The following CTNND2 variants were observed in gnomAD, a reference collection of about 807,000 sequenced individuals.
CTNND2 encodes catenin delta 2, also known as catenin delta-2.
A neutral mutation model predicts 144.4 loss-of-function variants in CTNND2; 22 were observed. The observed-to-expected ratio is 0.15, with a 90% CI of 0.11 to 0.22. The LOEUF (loss-of-function observed/expected upper bound fraction) is 0.22, where lower values mean the gene tolerates loss of function less well. Among genes scored for constraint, CTNND2 ranks in the 10% least tolerant of loss-of-function variants. The pLI is 1.00. For missense variants in CTNND2, 1,353 were observed against 1,618.8 expected (o/e 0.84, Z 2.82); for synonymous variants, 751 against 695.6 (o/e 1.08, Z -1.25).
At chr5:11,723,731 T>C (rs1441314762) in intron 2 of CTNND2, among the ~76,000 whole-genome samples, 1 of 152,102 alleles carries the variant, frequency 6.6e-6, no homozygotes, top group Non-Finnish European at 1.5e-5. Context: ...CACATCCCCA[T>C]CCAATAAGCT....
rs779312595 is a variant in CTNND2, at chr5:11,565,060, A to C, written c.175-4T>G. 1.4e-5 allele frequency: 22 copies of C among 1,604,846 alleles called. No homozygotes were observed. In the African/African-American group the frequency reaches 2.8e-4, roughly 20 times the overall value. On this transcript the variant is annotated splice_region_variant and splice_polypyrimidine_tract_variant and intron_variant, in intron 2 of 21. Coordinates refer to ENST00000304623, the MANE Select transcript of CTNND2 (RefSeq NM_001332.4). ...TCAGCCTTTCAAACTGTAATTCCTG[A>C]AAGAAACCCATCAACAAGATCAATT...
chr5:11,739,473 C>T (rs1443733354), intron 1 of CTNND2, among the ~76,000 whole-genome samples: 1 of 152,184 alleles, frequency 6.6e-6, no homozygotes, highest in African/African-American at 2.4e-5. Flanking sequence ...CTACCTATGA[C>T]TCTTATGTGC....
chr5:11,761,175 G>A (rs1358322930), intron 1 of CTNND2, among the ~76,000 whole-genome samples: 2 of 152,116 alleles, frequency 1.3e-5, no homozygotes, highest in African/African-American at 2.4e-5. Context: ...GTCTGCACAC[G>A]GCACCCGCAT....
At chr5:11,382,595 CTGTGTGTGTGTGTGTGTGTGTGTGTG>C (rs71582432) in intron 7 of CTNND2, among the ~76,000 whole-genome samples, 6 of 130,148 alleles carry the variant, frequency 4.6e-5, no homozygotes, top group Non-Finnish European at 8.2e-5. Flanking sequence ...GAGTGAGACT[CTGTGTGTGTGTGTGTGTGTGTGTGTG>C]TGTGTGTGTG....
chr5:11,435,073 A>G (rs900610910), intron 3 of CTNND2, among the ~76,000 whole-genome samples: 2 of 152,050 alleles, frequency 1.3e-5, no homozygotes, highest in African/African-American at 4.8e-5. Flanking sequence ...GGCTACCTTG[A>G]CTGATACTCT....
intron 3 of CTNND2, among the ~76,000 whole-genome samples, chr5:11,418,660 G>C (rs2149847905): frequency 6.6e-6 from 1 of 152,290 alleles, no homozygotes; most frequent in South Asian, 2.1e-4. Context: ...TGCAGTGGCA[G>C]ACCATCCACA....
At position 11,559,293 on chromosome 5, in the gene CTNND2, G is replaced by A. The variant is rs531951562; in HGVS notation, c.287+5651C>T. Among the ~76,000 whole-genome samples the A allele has an allele frequency of 5.9e-5, 9 of 152,150 alleles. No homozygotes were observed. The East Asian group carries it at 9.7e-4, about 16-fold the overall frequency. On this transcript the variant is annotated intron_variant, in intron 3 of 21. Transcript: ENST00000304623. The stretch of plus-strand genomic sequence containing the variant: ...AGGTGAATGCTTGGGAATCAGAGAC[G>A]TTGACTTAGGGTCATGGCACCATTG...
At chr5:11,141,467 C>T (rs2149735253) in intron 12 of CTNND2, among the ~76,000 whole-genome samples, 1 of 152,224 alleles carries the variant, frequency 6.6e-6, no homozygotes, top group South Asian at 2.1e-4. Context: ...TTAGAGGCTC[C>T]AGTCTTTGGA....
intron 2 of CTNND2, among the ~76,000 whole-genome samples, chr5:11,605,333 C>G (rs1276402771): frequency 6.6e-6 from 1 of 152,210 alleles, no homozygotes; most frequent in Non-Finnish European, 1.5e-5. Context: ...AGCAAACAGA[C>G]AAGGGTCTTA....
intron 3 of CTNND2, among the ~76,000 whole-genome samples, chr5:11,560,716 A>G (rs1303990631): frequency 6.6e-6 from 1 of 152,216 alleles, no homozygotes; most frequent in Non-Finnish European, 1.5e-5. Context: ...TCAGAAGGAT[A>G]TGAGCCCTGA....
chr5:11,046,542 C>T (rs541798091), intron 16 of CTNND2, among the ~76,000 whole-genome samples: 11 of 152,232 alleles, frequency 7.2e-5, no homozygotes, highest in African/African-American at 2.6e-4. Flanking sequence ...GGTTTAGGTA[C>T]GTTTCAGAGC....
intron 7 of CTNND2, among the ~76,000 whole-genome samples, chr5:11,372,101 G>C (rs894304573): frequency 6.6e-6 from 1 of 152,102 alleles, no homozygotes; most frequent in Non-Finnish European, 1.5e-5. Flanking sequence ...TTGCTGATGA[G>C]GTTTTCCGAT....
At chr5:11,365,176 G>T (rs1756853712) in intron 7 of CTNND2, among the ~76,000 whole-genome samples, 1 of 152,226 alleles carries the variant, frequency 6.6e-6, no homozygotes, top group South Asian at 2.1e-4. Flanking sequence ...AAAACCTAAT[G>T]AATGTAGCTA....
chr5:11,545,148 AAAAG>A (rs1156959832), intron 3 of CTNND2, among the ~76,000 whole-genome samples: 2 of 149,872 alleles, frequency 1.3e-5, no homozygotes, highest in Non-Finnish European at 3.0e-5. Context: ...AAAAAAAAAA[AAAAG>A]AAAGCAAAAA....
chr5:11,201,487 T>C (rs1040962104), intron 10 of CTNND2, among the ~76,000 whole-genome samples: 81 of 152,290 alleles, frequency 5.3e-4, no homozygotes, highest in African/African-American at 1.8e-3. Context: ...ACAAACAAAA[T>C]AGAGCATGCT....
intron 11 of CTNND2, among the ~76,000 whole-genome samples, chr5:11,188,999 T>G (rs1735968734): frequency 6.6e-6 from 1 of 152,212 alleles, no homozygotes; most frequent in Admixed American, 6.5e-5. Context: ...TTGTCTCAGT[T>G]TATTGTCTGT....
chr5:11,518,723 C>T (rs1184683017), intron 3 of CTNND2, among the ~76,000 whole-genome samples: 1 of 152,148 alleles, frequency 6.6e-6, no homozygotes, highest in African/African-American at 2.4e-5. Flanking sequence ...CAACTGCCTA[C>T]AGTATTCAAT....
At chr5:11,257,293 A>G (rs1744355809) in intron 9 of CTNND2, among the ~76,000 whole-genome samples, 1 of 152,216 alleles carries the variant, frequency 6.6e-6, no homozygotes, top group African/African-American at 2.4e-5. Context: ...ATGATTAGCC[A>G]TTGGCACATG....
intron 1 of CTNND2, among the ~76,000 whole-genome samples, chr5:11,864,168 A>AG (rs1397286929): frequency 6.6e-6 from 1 of 152,126 alleles, no homozygotes; most frequent in Admixed American, 6.5e-5. Context: ...GGCTTCCAAG[A>AG]GGTCACTCGA....
Sources: allele counts gnomAD v4.1 joint callset (sites outside exome capture counted in the v4.1 genomes callset), GRCh38; gene constraint gnomAD v4.1.1; transcripts MANE v1.5; gene names NCBI Gene and HGNC (gene_info 2026-07-23, HGNC 2026-07-21).